Variants in GABRB3 observed in about 807,000 individuals in gnomAD.
GABRB3 encodes gamma-aminobutyric acid receptor subunit beta-3.
A neutral mutation model predicts 52.1 loss-of-function variants in GABRB3; 14 were observed. That is an observed-to-expected ratio of 0.27 (90% CI 0.18 to 0.42). The LOEUF is 0.42. GABRB3 is among the 10% of genes least tolerant of loss of function. The probability of loss-of-function intolerance (pLI) is 1.00; values close to 1 mark genes in which losing one functional copy is unlikely to be tolerated. For synonymous variants in GABRB3, 260 were observed against 232.3 expected (o/e 1.12, Z -1.08); for missense variants, 307 against 609.1 (o/e 0.50, Z 5.22).
At chr15:26,589,475 A>G (rs1891113374) in intron 4 of GABRB3, among the ~76,000 whole-genome samples, 1 of 152,224 alleles carries the variant, frequency 6.6e-6, no homozygotes, top group South Asian at 2.1e-4. Flanking sequence ...GATTCACTGT[A>G]AACACTGGAG....
intron 1 of GABRB3, 23 bp from the exon 2 acceptor site, chr15:26,772,795 A>G (rs762506428): frequency 4.6e-6 from 7 of 1,532,540 alleles, no homozygotes; most frequent in Non-Finnish European, 6.2e-6. Flanking sequence ...CGGGGAGCAC[A>G]AAGAGCGGGG....
rs374297360 is a variant in GABRB3 at position 26,655,882 on chromosome 15, T to A, written c.241-34348A>T. Among the ~76,000 whole-genome samples, 15 of 152,342 alleles carry A rather than the reference T, an allele frequency of 9.8e-5. No individual in the cohort carries two copies. The East Asian group carries it at 2.1e-3, about 22-fold the overall frequency. On this transcript the variant is annotated intron_variant, in intron 3 of 8. Coordinates refer to ENST00000311550, the MANE Select transcript of GABRB3 (RefSeq NM_000814.6). ...CCAAAGAGAAAGCTCATTATTGTTT[T>A]CATTTACATTTTTTATTTCCAAGCA...
intron 3 of GABRB3, chr15:26,624,229 C>A: frequency 1.0e-6 from 1 of 985,616 alleles, no homozygotes; most frequent in Non-Finnish European, 1.2e-6. Context: ...GTGGGCGGTG[C>A]GCTGGAACTG....
At chr15:26,565,144 C>T (rs898594450) in intron 7 of GABRB3, among the ~76,000 whole-genome samples, 1 of 150,276 alleles carries the variant, frequency 6.7e-6, no homozygotes, top group Non-Finnish European at 1.5e-5. Flanking sequence ...TAATTTTCAG[C>T]CTTTATTAAT....
intron 3 of GABRB3, among the ~76,000 whole-genome samples, chr15:26,737,998 C>T (rs1890107473): frequency 6.6e-6 from 1 of 152,206 alleles, no homozygotes; most frequent in South Asian, 2.1e-4. Context: ...TGGTTGATTG[C>T]TGGAAGAGAA....
chr15:26,746,146 C>T (rs1056946079), intron 3 of GABRB3, among the ~76,000 whole-genome samples: 3 of 151,996 alleles, frequency 2.0e-5, no homozygotes, highest in African/African-American at 7.3e-5. Flanking sequence ...ATTATTCTTA[C>T]AGACATTCTG....
At chr15:26,574,811 G>A (rs1365041297) in intron 6 of GABRB3, among the ~76,000 whole-genome samples, 1 of 152,128 alleles carries the variant, frequency 6.6e-6, no homozygotes. Flanking sequence ...ATTGATTTTG[G>A]TCATGGTTGG....
At chr15:26,758,029 G>A (rs1051887190) in intron 3 of GABRB3, among the ~76,000 whole-genome samples, 1 of 151,928 alleles carries the variant, frequency 6.6e-6, no homozygotes, top group Non-Finnish European at 1.5e-5. Flanking sequence ...TACATTTCAG[G>A]GTTTTGTTCT....
At chr15:26,567,395 TAATTA>T (rs781329945) in intron 7 of GABRB3, among the ~76,000 whole-genome samples, 181 bp downstream of exon 7, 23 of 152,304 alleles carry the variant, frequency 1.5e-4, no homozygotes, top group Admixed American at 7.2e-4. Context: ...TTGAGCCTTG[TAATTA>T]AATTAACACA....
intron 3 of GABRB3, among the ~76,000 whole-genome samples, chr15:26,698,876 A>T (rs1888834124): frequency 6.6e-6 from 1 of 152,228 alleles, no homozygotes; most frequent in African/African-American, 2.4e-5. Context: ...CTAATTCATC[A>T]ACTAAAACAA....
At chr15:26,558,990 T>C (rs964602511) in intron 8 of GABRB3, among the ~76,000 whole-genome samples, 3 of 152,172 alleles carry the variant, frequency 2.0e-5, no homozygotes, top group Non-Finnish European at 4.4e-5. Context: ...CTTATAATCA[T>C]GGCAGAAGGT....
intron 3 of GABRB3, among the ~76,000 whole-genome samples, chr15:26,724,116 C>A (rs1412951711): frequency 6.6e-6 from 1 of 152,164 alleles, no homozygotes; most frequent in Non-Finnish European, 1.5e-5. Flanking sequence ...GTTACTTATG[C>A]AGAGCTCTTC....
chr15:26,694,179 A>C (rs1888667845), intron 3 of GABRB3, among the ~76,000 whole-genome samples: 1 of 152,218 alleles, frequency 6.6e-6, no homozygotes, highest in East Asian at 1.9e-4. Flanking sequence ...GCCTATCTGC[A>C]AGGATAACTA....
intron 3 of GABRB3, among the ~76,000 whole-genome samples, chr15:26,684,268 A>G (rs1888331306): frequency 1.3e-5 from 2 of 152,160 alleles, no homozygotes; most frequent in Admixed American, 1.3e-4. Flanking sequence ...AAGAGACAAT[A>G]GGTACACCCC....
intron 3 of GABRB3, among the ~76,000 whole-genome samples, chr15:26,766,025 T>C (rs376914577): frequency 6.6e-5 from 10 of 152,324 alleles, no homozygotes; most frequent in African/African-American, 1.9e-4. Context: ...AACACCTCTA[T>C]TACCTACCTC....
chr15:26,609,069 GA>G (rs1295329003), intron 4 of GABRB3, among the ~76,000 whole-genome samples: 3 of 147,658 alleles, frequency 2.0e-5, no homozygotes. Context: ...CAGATAAATT[GA>G]TTTTTTTAAT....
intron 3 of GABRB3, among the ~76,000 whole-genome samples, chr15:26,715,091 T>G (rs1280297907): frequency 6.6e-6 from 1 of 152,028 alleles, no homozygotes; most frequent in Non-Finnish European, 1.5e-5. Context: ...GAGGGGGCCA[T>G]GGGCAGCTCC....
At position 26,622,814 on chromosome 15, in the gene GABRB3, G is replaced by A. The variant is rs545309700; in HGVS notation, c.241-1280C>T. The stretch of plus-strand genomic sequence containing the variant: ...TGTCTTCAGATGCTTGCCACAAGAA[G>A]GGGAAACAAAACCAGCTTGTACTAT... On this transcript the variant is annotated intron_variant, in intron 3 of 8. Coordinates refer to ENST00000311550, the MANE Select transcript of GABRB3 (RefSeq NM_000814.6). 2.6e-5 allele frequency among the ~76,000 whole-genome samples: 4 copies of A among 152,264 alleles called. No individual in the cohort carries two copies. In the South Asian group the frequency reaches 6.2e-4, roughly 24 times the overall value.
chr15:26,725,750 A>G (rs918077448), intron 3 of GABRB3, among the ~76,000 whole-genome samples: 1 of 152,186 alleles, frequency 6.6e-6, no homozygotes, highest in Admixed American at 6.5e-5. Context: ...TAAGCATGAA[A>G]TTCATTTATG....
Sources: allele counts gnomAD v4.1 joint callset (sites outside exome capture counted in the v4.1 genomes callset), GRCh38; gene constraint gnomAD v4.1.1; transcripts MANE v1.5; gene names NCBI Gene and HGNC (gene_info 2026-07-23, HGNC 2026-07-21).